SPMIP2: variants seen among roughly 807,000 people sequenced by gnomAD.
SPMIP2 encodes the protein protein SPMIP2.
the SPMIP2 span, chr4:158,907,541 A>G: frequency 6.6e-6 from 1 of 152,170 alleles, no homozygotes; most frequent in Non-Finnish European, 1.5e-5. Flanking sequence ...TAGGTTCTTC[A>G]CTAGAGTTGG....
the SPMIP2 span, chr4:158,907,648 T>C: frequency 1.3e-5 from 2 of 152,244 alleles, no homozygotes; most frequent in African/African-American, 4.8e-5. Flanking sequence ...ATTTTGTTCA[T>C]GCATACTTCC....
the SPMIP2 span, among the ~76,000 whole-genome samples, chr4:158,903,022 C>T: frequency 7.2e-5 from 11 of 152,282 alleles, no homozygotes; most frequent in Non-Finnish European, 1.3e-4. Flanking sequence ...TTCCGGGTGC[C>T]ACTGAGGTAT....
the SPMIP2 span, among the ~76,000 whole-genome samples, chr4:158,928,193 TTA>T: frequency 1.6e-4 from 24 of 152,136 alleles, no homozygotes; most frequent in Admixed American, 2.0e-4. Context: ...TGGAGAACCT[TTA>T]TGTCTAGCTC....
chr4:159,057,593 T>A, the SPMIP2 span, among the ~76,000 whole-genome samples: 2 of 152,168 alleles, frequency 1.3e-5, no homozygotes, highest in African/African-American at 2.4e-5. Context: ...TTTTTGAAAA[T>A]TTTTATAAAG....
chr4:159,040,467 G>A, the SPMIP2 span, among the ~76,000 whole-genome samples: 2 of 148,082 alleles, frequency 1.4e-5, no homozygotes, highest in Non-Finnish European at 3.0e-5. Context: ...CACTGCGCCC[G>A]GTCTGTATTT....
the SPMIP2 span, chr4:158,973,023 A>T: frequency 1.8e-6 from 2 of 1,140,810 alleles, no homozygotes; most frequent in Non-Finnish European, 2.5e-6. Context: ...CAAATTCATA[A>T]AGAATTCAAG....
the SPMIP2 span, among the ~76,000 whole-genome samples, chr4:159,055,990 G>A: frequency 2.0e-5 from 3 of 152,164 alleles, no homozygotes; most frequent in Non-Finnish European, 4.4e-5. Flanking sequence ...TGTGTCAAGA[G>A]AGGAGGAGCC....
At chr4:159,019,465 T>C in the SPMIP2 span, among the ~76,000 whole-genome samples, 3 of 152,252 alleles carry the variant, frequency 2.0e-5, no homozygotes, top group South Asian at 2.1e-4. Flanking sequence ...AGGAAGTCAG[T>C]AATGGCTTAT....
At chr4:158,983,519 A>G in the SPMIP2 span, among the ~76,000 whole-genome samples, 4 of 149,668 alleles carry the variant, frequency 2.7e-5, no homozygotes, top group African/African-American at 9.9e-5. Context: ...ATATTCTTAA[A>G]GAATTTTCAA....
At chr4:158,903,509 G>T in the SPMIP2 span, among the ~76,000 whole-genome samples, 3 of 152,280 alleles carry the variant, frequency 2.0e-5, no homozygotes, top group East Asian at 3.9e-4. Flanking sequence ...TTACAGGTGT[G>T]CATCAACACG....
chr4:158,964,872 A>T, the SPMIP2 span, among the ~76,000 whole-genome samples: 3 of 152,152 alleles, frequency 2.0e-5, no homozygotes, highest in Non-Finnish European at 4.4e-5. Flanking sequence ...AAACCATCAG[A>T]TCTCACGAGA....
chr4:159,062,833 T>TG, the SPMIP2 span, among the ~76,000 whole-genome samples: 4 of 149,428 alleles, frequency 2.7e-5, no homozygotes, highest in African/African-American at 9.8e-5. Flanking sequence ...AGACTACAGG[T>TG]GTGCACCACC....
chr4:159,005,223 A>AC, the SPMIP2 span, among the ~76,000 whole-genome samples: 1 of 146,872 alleles, frequency 6.8e-6, no homozygotes, highest in South Asian at 2.2e-4. Flanking sequence ...CTCCGCCTCA[A>AC]AAAAAAAAAA....
chr4:158,977,408 T>G, the SPMIP2 span, among the ~76,000 whole-genome samples: 2 of 152,168 alleles, frequency 1.3e-5, no homozygotes, highest in Non-Finnish European at 2.9e-5. Flanking sequence ...TCTCTGATAG[T>G]AGTTTGTATT....
At chr4:159,007,629 C>G in the SPMIP2 span, 1 of 931,812 alleles carries the variant, frequency 1.1e-6, no homozygotes, top group Non-Finnish European at 1.7e-6. Flanking sequence ...CTCAGAACGT[C>G]GGGATGCTGT....
the SPMIP2 span, among the ~76,000 whole-genome samples, chr4:158,927,792 C>T: frequency 3.9e-5 from 6 of 152,372 alleles, no homozygotes; most frequent in Admixed American, 1.3e-4. Flanking sequence ...GCCCCGCACT[C>T]GGAGCAGCCG....
At chr4:158,912,258 TAC>T in the SPMIP2 span, among the ~76,000 whole-genome samples, 1 of 152,224 alleles carries the variant, frequency 6.6e-6, no homozygotes, top group Non-Finnish European at 1.5e-5. Context: ...ATAAGAATGA[TAC>T]ATACTGTTAA....
At chr4:159,060,767 A>G in the SPMIP2 span, among the ~76,000 whole-genome samples, 1 of 152,142 alleles carries the variant, frequency 6.6e-6, no homozygotes, top group Non-Finnish European at 1.5e-5. Flanking sequence ...ATTTTAAATT[A>G]CCATTCATAG....
chr4:158,910,589 T>C, the SPMIP2 span, among the ~76,000 whole-genome samples: 1 of 152,334 alleles, frequency 6.6e-6, no homozygotes, highest in East Asian at 1.9e-4. Context: ...TGTGCAGGTA[T>C]TTCTTAGGTG....
Sources: gnomAD v4.1 joint callset for allele counts (sites outside exome capture counted in the v4.1 genomes callset) on GRCh38, gnomAD v4.1.1 for gene constraint, MANE v1.5 for transcripts, NCBI Gene and HGNC (gene_info 2026-07-23, HGNC 2026-07-21) for gene names.